The following ARK2N variants were observed in gnomAD, a reference collection of about 807,000 sequenced individuals.
ARK2N encodes protein ARK2N.
At chr18:46,259,885 C>CTGTGTGTG in the ARK2N span, among the ~76,000 whole-genome samples, 5 of 81,596 alleles carry the variant, frequency 6.1e-5, 1 homozygote, top group East Asian at 3.3e-4. Flanking sequence ...ATCCTCCCGT[C>CTGTGTGTG]TGTGTGTGTG....
the ARK2N span, among the ~76,000 whole-genome samples, chr18:46,260,128 C>T: frequency 2.0e-5 from 3 of 152,314 alleles, no homozygotes; most frequent in South Asian, 4.1e-4. Context: ...ACAGATGCCT[C>T]AGCAATTACT....
chr18:46,219,936 A>G, the ARK2N span, among the ~76,000 whole-genome samples: 1 of 152,204 alleles, frequency 6.6e-6, no homozygotes, highest in Non-Finnish European at 1.5e-5. Flanking sequence ...TAATGTAAAT[A>G]ATGGACATTA....
the ARK2N span, chr18:46,266,635 T>G: frequency 6.6e-6 from 1 of 152,660 alleles, no homozygotes; most frequent in African/African-American, 2.4e-5. Flanking sequence ...CCTCTTACCG[T>G]GAAAATGAAA....
the ARK2N span, among the ~76,000 whole-genome samples, chr18:46,189,403 T>C: frequency 1.3e-5 from 2 of 152,264 alleles, no homozygotes; most frequent in East Asian, 3.9e-4. Context: ...AATAGCAACC[T>C]TCAAATACAT....
At chr18:46,253,155 G>A in the ARK2N span, among the ~76,000 whole-genome samples, 3 of 152,346 alleles carry the variant, frequency 2.0e-5, no homozygotes, top group African/African-American at 7.2e-5. Context: ...GAGGACATGT[G>A]CTAAATCTTT....
the ARK2N span, among the ~76,000 whole-genome samples, chr18:46,179,269 A>G: frequency 6.6e-6 from 1 of 151,918 alleles, no homozygotes; most frequent in Non-Finnish European, 1.5e-5. Context: ...TATTGGTTTT[A>G]TTTATTTTAG....
chr18:46,259,900 CGA>C, the ARK2N span, among the ~76,000 whole-genome samples: 7 of 101,016 alleles, frequency 6.9e-5, 1 homozygote, highest in African/African-American at 1.4e-4. Context: ...TGTGTGTGTG[CGA>C]CAGAGATGGG....
chr18:46,220,328 C>T, the ARK2N span, among the ~76,000 whole-genome samples: 1 of 152,334 alleles, frequency 6.6e-6, no homozygotes, highest in Non-Finnish European at 1.5e-5. Context: ...GACAAAATCT[C>T]AGCACCCATT....
chr18:46,261,739 C>T, the ARK2N span, among the ~76,000 whole-genome samples: 3 of 152,176 alleles, frequency 2.0e-5, no homozygotes, highest in African/African-American at 2.4e-5. Flanking sequence ...TTGCGTTCTG[C>T]CCTCTGCTCT....
the ARK2N span, among the ~76,000 whole-genome samples, chr18:46,234,443 C>T: frequency 6.6e-6 from 1 of 152,204 alleles, no homozygotes; most frequent in African/African-American, 2.4e-5. Context: ...AAGTGATCCA[C>T]CCACCTCGGC....
chr18:46,238,791 A>G, the ARK2N span, among the ~76,000 whole-genome samples: 1 of 152,196 alleles, frequency 6.6e-6, no homozygotes, highest in East Asian at 1.9e-4. Flanking sequence ...TTCAGTGACA[A>G]TTGACACAAT....
the ARK2N span, among the ~76,000 whole-genome samples, chr18:46,179,682 A>G: frequency 2.0e-5 from 3 of 150,674 alleles, no homozygotes; most frequent in Admixed American, 6.6e-5. Context: ...CTGGAGTGCA[A>G]TGGCGCCATC....
At chr18:46,248,339 G>A in the ARK2N span, among the ~76,000 whole-genome samples, 2,654 of 152,304 alleles carry the variant, frequency 0.017, 72 homozygotes, top group African/African-American at 0.06. Flanking sequence ...TTACCATGGA[G>A]TTGGCATTCC....
chr18:46,239,381 GCA>G, the ARK2N span, among the ~76,000 whole-genome samples: 3 of 152,104 alleles, frequency 2.0e-5, no homozygotes, highest in Non-Finnish European at 2.9e-5. Context: ...GATATCCAAA[GCA>G]AAATCCTGAA....
the ARK2N span, among the ~76,000 whole-genome samples, chr18:46,191,079 A>G: frequency 2.0e-5 from 3 of 152,000 alleles, no homozygotes; most frequent in African/African-American, 7.3e-5. Context: ...GGCTCTGTGT[A>G]CTGCTTTTGG....
chr18:46,247,504 A>C, the ARK2N span, among the ~76,000 whole-genome samples: 1 of 152,238 alleles, frequency 6.6e-6, no homozygotes, highest in Non-Finnish European at 1.5e-5. Context: ...TTGAGTGATC[A>C]AGGAGGAAGA....
the ARK2N span, among the ~76,000 whole-genome samples, chr18:46,235,839 A>T: frequency 6.6e-6 from 1 of 152,226 alleles, no homozygotes; most frequent in Non-Finnish European, 1.5e-5. Flanking sequence ...ACAGTAAAGG[A>T]AAAGTTAGGT....
chr18:46,214,176 T>G, the ARK2N span, among the ~76,000 whole-genome samples: 1 of 152,260 alleles, frequency 6.6e-6, no homozygotes, highest in African/African-American at 2.4e-5. Context: ...CTTGGCATGT[T>G]AGATCTGTTT....
the ARK2N span, among the ~76,000 whole-genome samples, chr18:46,260,546 A>G: frequency 6.6e-6 from 1 of 152,210 alleles, no homozygotes; most frequent in East Asian, 1.9e-4. Context: ...CATTTGTAAC[A>G]TAACTTCAGA....
Sources: gnomAD v4.1 joint callset for allele counts (sites outside exome capture counted in the v4.1 genomes callset) on GRCh38, gnomAD v4.1.1 for gene constraint, MANE v1.5 for transcripts, NCBI Gene and HGNC (gene_info 2026-07-23, HGNC 2026-07-21) for gene names.